Variants in PDE10A observed in about 807,000 individuals in gnomAD.
The protein encoded by PDE10A is cAMP and cAMP-inhibited cGMP 3',5'-cyclic phosphodiesterase 10A.
Under a neutral mutation model 97.7 loss-of-function variants are expected in PDE10A, and 39 were observed. That is an observed-to-expected ratio of 0.40 (90% CI 0.31 to 0.52). The LOEUF is 0.52. PDE10A is among the 20% of genes least tolerant of loss of function. The pLI is 0.56. For missense variants in PDE10A, 731 were observed against 1,047.8 expected, an observed-to-expected ratio of 0.70 and a Z score of 4.17; for synonymous variants, 371 against 376.8, an observed-to-expected ratio of 0.98 and a Z score of 0.18.
At chr6:165,596,655 A>G (rs1786612535) in intron 1 of PDE10A, among the ~76,000 whole-genome samples, 3 of 152,138 alleles carry the variant, frequency 2.0e-5, no homozygotes, top group Admixed American at 6.5e-5. Flanking sequence ...GCTTGAGCCC[A>G]TGAGGTGGAG....
chr6:165,514,313 T>C (rs62443786), intron 2 of PDE10A, among the ~76,000 whole-genome samples: 18,176 of 152,250 alleles, frequency 0.12, 1,173 homozygotes, highest in South Asian at 0.18. Context: ...GAAATGCTTT[T>C]CTTCCTTCTC....
At chr6:165,352,824 T>C (rs1258353976) in intron 18 of PDE10A, among the ~76,000 whole-genome samples, 1 of 152,112 alleles carries the variant, frequency 6.6e-6, no homozygotes, top group Non-Finnish European at 1.5e-5. Context: ...AAAGGCATGA[T>C]TCATGAAAGA....
At chr6:165,409,554 G>A (rs1040026009) in intron 13 of PDE10A, 1 of 161,482 alleles carries the variant, frequency 6.2e-6, no homozygotes, top group Non-Finnish European at 1.3e-5. Flanking sequence ...ATCTCAGAAA[G>A]AAAAGGTGTC....
intron 1 of PDE10A, among the ~76,000 whole-genome samples, chr6:165,898,022 G>C (rs1782003912): frequency 6.9e-6 from 1 of 143,996 alleles, no homozygotes. Context: ...CCACCCCCTT[G>C]TACAAGCTGC....
chr6:165,771,593 G>T (rs1171778708), intron 1 of PDE10A, among the ~76,000 whole-genome samples: 1 of 144,156 alleles, frequency 6.9e-6, no homozygotes, highest in African/African-American at 2.6e-5. Flanking sequence ...TGCAAAAATG[G>T]CCAGAAAAAT....
chr6:165,498,833 T>C (rs1053024737), intron 2 of PDE10A, among the ~76,000 whole-genome samples: 1 of 152,206 alleles, frequency 6.6e-6, no homozygotes, highest in Non-Finnish European at 1.5e-5. Flanking sequence ...GAGTACATGA[T>C]TGCTCTAATT....
chr6:165,520,162 G>A (rs185311670), intron 2 of PDE10A, among the ~76,000 whole-genome samples: 9 of 152,316 alleles, frequency 5.9e-5, no homozygotes, highest in Admixed American at 1.3e-4. Context: ...CTTCTAGAAA[G>A]TAATTAAGTA....
chr6:165,609,479 T>G (rs1186197780), intron 1 of PDE10A, among the ~76,000 whole-genome samples: 1 of 152,290 alleles, frequency 6.6e-6, no homozygotes, highest in East Asian at 1.9e-4. Flanking sequence ...ACCATTCCTA[T>G]TCAACATAGT....
chr6:165,704,455 GTTTTTA>G (rs1582960571), intron 1 of PDE10A, among the ~76,000 whole-genome samples: 1 of 152,160 alleles, frequency 6.6e-6, no homozygotes, highest in Non-Finnish European at 1.5e-5. Context: ...CTGCAGCCTT[GTTTTTA>G]TTTTTATTTT....
At chr6:165,932,252 A>C (rs1467819957) in intron 1 of PDE10A, among the ~76,000 whole-genome samples, 2 of 152,176 alleles carry the variant, frequency 1.3e-5, no homozygotes, top group African/African-American at 4.8e-5. Context: ...AAGGCTTTTT[A>C]ACTTTGTTAC....
chr6:165,772,973 C>T (rs530748238), intron 1 of PDE10A, among the ~76,000 whole-genome samples: 10 of 152,312 alleles, frequency 6.6e-5, no homozygotes, highest in South Asian at 2.1e-4. Context: ...TTTCAACAAA[C>T]TCATTTTTAC....
At chr6:165,723,631 A>T (rs1039989156) in intron 1 of PDE10A, among the ~76,000 whole-genome samples, 5 of 152,210 alleles carry the variant, frequency 3.3e-5, no homozygotes, top group Admixed American at 2.0e-4. Context: ...AGCTGCTACC[A>T]ATCCTATACT....
At chr6:165,956,066 G>A (rs1784127179) in intron 1 of PDE10A, among the ~76,000 whole-genome samples, 2 of 152,220 alleles carry the variant, frequency 1.3e-5, no homozygotes, top group South Asian at 2.1e-4. Context: ...ATTGTCAAGG[G>A]TTCTTTCAAC....
intron 1 of PDE10A, among the ~76,000 whole-genome samples, chr6:165,693,278 C>T (rs1347059335): frequency 1.3e-5 from 2 of 152,024 alleles, no homozygotes; most frequent in Non-Finnish European, 2.9e-5. Context: ...CGCCTGTAAT[C>T]CCAGCACTTT....
intron 1 of PDE10A, among the ~76,000 whole-genome samples, chr6:165,634,468 T>A (rs1788782099): frequency 6.6e-6 from 1 of 152,162 alleles, no homozygotes; most frequent in African/African-American, 2.4e-5. Flanking sequence ...CGATACCAAA[T>A]AAATGAAGAT....
rs1783221570 is a variant in PDE10A, at chr6:165,538,333, T to C, written c.994+5107A>G. Among the ~76,000 whole-genome samples, 5 of 152,222 alleles carry C rather than the reference T, an allele frequency of 3.3e-5. No individual in the cohort carries two copies. The South Asian group carries it at 1.0e-3, about 32-fold the overall frequency. On this transcript the variant is annotated intron_variant, in intron 2 of 21. Coordinates refer to ENST00000539869, the MANE Select transcript of PDE10A (RefSeq NM_001385079.1). ...TTTCATTACTAATTATTTGAATTTA[T>C]AGGTACAATGATAGTGATACGGTCG...
At chr6:165,653,659 C>T (rs1789795240) in intron 1 of PDE10A, among the ~76,000 whole-genome samples, 1 of 152,200 alleles carries the variant, frequency 6.6e-6, no homozygotes, top group African/African-American at 2.4e-5. Context: ...CGCCCCTCAT[C>T]AGGTCTGGAT....
At chr6:165,815,674 G>GT (rs888860375) in intron 1 of PDE10A, among the ~76,000 whole-genome samples, 2 of 152,068 alleles carry the variant, frequency 1.3e-5, no homozygotes, top group Non-Finnish European at 2.9e-5. Flanking sequence ...TTTTTTTCTG[G>GT]TTTTTCCCCC....
chr6:165,943,361 A>AAACAAAGAAAGAAAGAAAGG (rs1167502272), intron 1 of PDE10A, among the ~76,000 whole-genome samples: 1 of 89,862 alleles, frequency 1.1e-5, no homozygotes, highest in Non-Finnish European at 2.4e-5. Flanking sequence ...AGAAAGAAAG[A>AAACAAAGAAAGAAAGAAAGG]GAAAGAAAGA....
Sources: allele counts gnomAD v4.1 joint callset (sites outside exome capture counted in the v4.1 genomes callset), GRCh38; gene constraint gnomAD v4.1.1; transcripts MANE v1.5; gene names NCBI Gene and HGNC (gene_info 2026-07-23, HGNC 2026-07-21).